Variants in THRB observed in about 807,000 individuals in gnomAD.
THRB encodes thyroid hormone receptor beta, also known as nuclear receptor subfamily 1 group A member 2.
Under a neutral mutation model 47.8 loss-of-function variants are expected in THRB, and 12 were observed. The ratio of observed to expected loss-of-function variants is 0.25; its 90% CI spans 0.16 to 0.41. The LOEUF (loss-of-function observed/expected upper bound fraction) is 0.41, where lower values mean the gene tolerates loss of function less well. Among genes scored for constraint, THRB ranks in the 10% least tolerant of loss-of-function variants. The pLI, the probability that THRB is intolerant of heterozygous loss-of-function variation, is 1.00. For missense variants in THRB, 348 were observed against 589.2 expected, an observed-to-expected ratio of 0.59 and a Z score of 4.24; for synonymous variants, 218 against 212.2, an observed-to-expected ratio of 1.03 and a Z score of -0.24.
rs529654199 is a variant in THRB at position 24,274,534 on chromosome 3, A to G, written c.-43+22692T>C. On this transcript the variant is annotated intron_variant, in intron 3 of 10. Coordinates refer to ENST00000646209, the MANE Select transcript of THRB (RefSeq NM_001354712.2). Reference sequence around the variant, plus strand: ...ACACTTTTTATAGCCTTTGTAATGAACAATTTTGGTGACTTTCACTCCTTT... The same window carrying G: ...ACACTTTTTATAGCCTTTGTAATGAGCAATTTTGGTGACTTTCACTCCTTT... 3.9e-5 allele frequency among the ~76,000 whole-genome samples: 6 copies of G among 152,314 alleles called. No individual in the cohort carries two copies. In the East Asian group the frequency reaches 1.2e-3, roughly 29 times the overall value.
At chr3:24,138,529 C>T (rs909008489) in intron 8 of THRB, among the ~76,000 whole-genome samples, 12 of 152,274 alleles carry the variant, frequency 7.9e-5, no homozygotes, top group African/African-American at 2.9e-4. Flanking sequence ...GCAACTGAGC[C>T]TGAAATAACT....
At chr3:24,244,585 T>A (rs1373980611) in intron 3 of THRB, among the ~76,000 whole-genome samples, 1 of 152,172 alleles carries the variant, frequency 6.6e-6, no homozygotes, top group African/African-American at 2.4e-5. Flanking sequence ...CAGGTCAGTT[T>A]TGGAAAACAA....
intron 1 of THRB, among the ~76,000 whole-genome samples, chr3:24,437,795 CA>C (rs944839609): frequency 6.6e-6 from 1 of 151,924 alleles, no homozygotes; most frequent in Non-Finnish European, 1.5e-5. Flanking sequence ...CTTTTGGGCT[CA>C]AAAACTAAAT....
intron 9 of THRB, among the ~76,000 whole-genome samples, chr3:24,131,958 A>T (rs1033575606): frequency 6.6e-6 from 1 of 152,178 alleles, no homozygotes; most frequent in African/African-American, 2.4e-5. Context: ...GTCTAGGGGC[A>T]AGATATCTGT....
At chr3:24,336,232 C>T (rs2062240331) in intron 2 of THRB, among the ~76,000 whole-genome samples, 1 of 152,162 alleles carries the variant, frequency 6.6e-6, no homozygotes, top group Admixed American at 6.5e-5. Flanking sequence ...AAGGGAGGGC[C>T]TGGGCACTGA....
At chr3:24,283,385 A>C (rs531110621) in intron 3 of THRB, among the ~76,000 whole-genome samples, 7,705 of 149,994 alleles carry the variant, frequency 0.051, 447 homozygotes, top group African/African-American at 0.17. Context: ...ATTCAACAAC[A>C]CTTCATGCTA....
At chr3:24,206,715 T>C (rs1300307320) in intron 4 of THRB, among the ~76,000 whole-genome samples, 1 of 152,156 alleles carries the variant, frequency 6.6e-6, no homozygotes, top group African/African-American at 2.4e-5. Flanking sequence ...ATCCAGGAGC[T>C]GGTTTTTTGA....
chr3:24,479,218 C>T (rs958164388), intron 1 of THRB, among the ~76,000 whole-genome samples: 3 of 152,170 alleles, frequency 2.0e-5, no homozygotes, highest in African/African-American at 7.2e-5. Flanking sequence ...AGGAGAATGG[C>T]GTGAACCTGG....
intron 1 of THRB, among the ~76,000 whole-genome samples, chr3:24,438,338 C>G (rs2071179752): frequency 6.6e-6 from 1 of 151,982 alleles, no homozygotes; most frequent in Admixed American, 6.6e-5. Context: ...AATAAAGAAG[C>G]AGAAACATAG....
intron 1 of THRB, among the ~76,000 whole-genome samples, chr3:24,478,601 GAGA>G (rs35934721): frequency 0.3 from 46,031 of 151,814 alleles, 6,982 homozygotes; most frequent in East Asian, 0.36. Context: ...GAAGAGAGGG[GAGA>G]AGGATAGGAA....
intron 1 of THRB, among the ~76,000 whole-genome samples, chr3:24,426,864 G>A (rs1320890849): frequency 6.6e-6 from 1 of 151,876 alleles, no homozygotes; most frequent in Non-Finnish European, 1.5e-5. Context: ...ATACCCATAT[G>A]GAATACGCTT....
intron 1 of THRB, among the ~76,000 whole-genome samples, chr3:24,386,087 C>T (rs1260548900): frequency 1.3e-5 from 2 of 152,148 alleles, no homozygotes; most frequent in African/African-American, 4.8e-5. Flanking sequence ...CAGCATCCAC[C>T]TAAACTTCCA....
intron 1 of THRB, among the ~76,000 whole-genome samples, chr3:24,404,242 T>G (rs9863128): frequency 3.9e-5 from 6 of 152,032 alleles, no homozygotes; most frequent in African/African-American, 1.4e-4. Flanking sequence ...GAGTAAAAGA[T>G]CCATTGAAAG....
chr3:24,411,217 T>C (rs939518189), intron 1 of THRB, among the ~76,000 whole-genome samples: 1 of 151,820 alleles, frequency 6.6e-6, no homozygotes, highest in Non-Finnish European at 1.5e-5. Flanking sequence ...AAAGGCAAGA[T>C]GATTCATAGA....
At chr3:24,184,870 C>T (rs1310754691) in intron 5 of THRB, among the ~76,000 whole-genome samples, 1 of 152,202 alleles carries the variant, frequency 6.6e-6, no homozygotes, top group Non-Finnish European at 1.5e-5. Context: ...TTAAAATACT[C>T]ATTCACCTGG....
At chr3:24,343,937 A>C (rs2062844513) in intron 1 of THRB, among the ~76,000 whole-genome samples, 1 of 146,810 alleles carries the variant, frequency 6.8e-6, no homozygotes, top group South Asian at 2.1e-4. Context: ...TTATTTATTT[A>C]TATATTATAT....
At chr3:24,233,568 A>G (rs867985897) in intron 3 of THRB, among the ~76,000 whole-genome samples, 11 of 38,828 alleles carry the variant, frequency 2.8e-4, no homozygotes, top group Non-Finnish European at 6.0e-4. Flanking sequence ...AGGAAGAAAG[A>G]AAGAAAGAAA....
At chr3:24,453,278 T>C (rs2072846686) in intron 1 of THRB, among the ~76,000 whole-genome samples, 1 of 152,216 alleles carries the variant, frequency 6.6e-6, no homozygotes, top group Non-Finnish European at 1.5e-5. Context: ...TCATTCGATT[T>C]TCATAACAAC....
intron 1 of THRB, among the ~76,000 whole-genome samples, chr3:24,399,278 C>G (rs2067219324): frequency 6.6e-6 from 1 of 150,742 alleles, no homozygotes; most frequent in African/African-American, 2.4e-5. Flanking sequence ...ATAATTGTGT[C>G]AAAATTATGC....
Sources: gnomAD v4.1 joint callset for allele counts (sites outside exome capture counted in the v4.1 genomes callset) on GRCh38, gnomAD v4.1.1 for gene constraint, MANE v1.5 for transcripts, NCBI Gene and HGNC (gene_info 2026-07-23, HGNC 2026-07-21) for gene names.